EPHA3: variants seen among roughly 807,000 people sequenced by gnomAD.
The protein encoded by EPHA3 is ephrin type-A receptor 3.
A neutral mutation model predicts 107.1 loss-of-function variants in EPHA3; 42 were observed. That is an observed-to-expected ratio of 0.39 (90% CI 0.31 to 0.51). The LOEUF (loss-of-function observed/expected upper bound fraction) is 0.51. Among genes scored for constraint, EPHA3 ranks in the 20% least tolerant of loss-of-function variants. EPHA3 has a pLI of 0.78. For synonymous variants in EPHA3, 461 were observed against 424.8 expected, an observed-to-expected ratio of 1.09 and a Z score of -1.05; for missense variants, 1,183 against 1,211.2, an observed-to-expected ratio of 0.98 and a Z score of 0.35.
At chr3:89,328,339 C>T (rs1395155617) in intron 3 of EPHA3, among the ~76,000 whole-genome samples, 2 of 152,120 alleles carry the variant, frequency 1.3e-5, no homozygotes, top group Non-Finnish European at 2.9e-5. Flanking sequence ...ACCTTTTCAG[C>T]AGGTTTGCAT....
At chr3:89,126,481 T>A (rs976525776) in intron 1 of EPHA3, among the ~76,000 whole-genome samples, 1 of 151,712 alleles carries the variant, frequency 6.6e-6, no homozygotes, top group Non-Finnish European at 1.5e-5. Flanking sequence ...GCATGCTATA[T>A]TTTACTTTTT....
chr3:89,115,943 A>G, intron 1 of EPHA3, among the ~76,000 whole-genome samples: 1 of 152,208 alleles, frequency 6.6e-6, no homozygotes, highest in East Asian at 1.9e-4. Context: ...TTGTCTTCTG[A>G]CTTTGCAAGG....
At chr3:89,459,445 CTT>C (rs1710171677) in intron 15 of EPHA3, among the ~76,000 whole-genome samples, 2 of 151,412 alleles carry the variant, frequency 1.3e-5, no homozygotes, top group South Asian at 4.2e-4. Context: ...CTTTCTTTCT[CTT>C]TCTTTCTTCC....
rs1709199100 is a variant in EPHA3 at position 89,413,823 on chromosome 3, T to A, written c.1888+557T>A. 2.0e-5 allele frequency among the ~76,000 whole-genome samples: 3 copies of A among 151,740 alleles called. No individual in the cohort carries two copies. In the South Asian group the frequency reaches 6.2e-4, roughly 31 times the overall value. On this transcript the variant is annotated intron_variant, in intron 10 of 16. Transcript: ENST00000336596. ...ATAAATATACCTTTGTTCTAATTAT[T>A]AATTTAAACAATGATAAATTTGTTA...
At chr3:89,293,029 T>G (rs1559635378) in intron 3 of EPHA3, among the ~76,000 whole-genome samples, 1 of 152,172 alleles carries the variant, frequency 6.6e-6, no homozygotes, top group Non-Finnish European at 1.5e-5. Flanking sequence ...TTTTTAATTT[T>G]TTGCCATTCT....
At chr3:89,402,863 A>G (rs949412344) in intron 7 of EPHA3, among the ~76,000 whole-genome samples, 1 of 152,064 alleles carries the variant, frequency 6.6e-6, no homozygotes, top group Non-Finnish European at 1.5e-5. Context: ...TTTTTAGTAG[A>G]GACGGGGTTT....
At chr3:89,112,405 T>C (rs1174556007) in intron 1 of EPHA3, among the ~76,000 whole-genome samples, 2 of 152,080 alleles carry the variant, frequency 1.3e-5, no homozygotes, top group Non-Finnish European at 2.9e-5. Flanking sequence ...TAACATTCTT[T>C]ATGTATTGCC....
At chr3:89,232,248 A>G (rs191479929) in intron 3 of EPHA3, among the ~76,000 whole-genome samples, 150 of 152,304 alleles carry the variant, frequency 9.8e-4, no homozygotes, top group Non-Finnish European at 1.8e-3. Flanking sequence ...ATATATTTAA[A>G]GAATGAAGAG....
At chr3:89,315,635 A>T (rs1167551277) in intron 3 of EPHA3, among the ~76,000 whole-genome samples, 1 of 151,492 alleles carries the variant, frequency 6.6e-6, no homozygotes, top group East Asian at 2.0e-4. Flanking sequence ...AAAAAAAAGC[A>T]ATCTTGTCCA....
intron 5 of EPHA3, among the ~76,000 whole-genome samples, chr3:89,363,288 CA>C (rs1481866468): frequency 1.3e-5 from 2 of 149,956 alleles, no homozygotes; most frequent in East Asian, 3.9e-4. Flanking sequence ...GGGCAGGAGA[CA>C]GAGAGAGAGT....
chr3:89,393,280 G>C (rs1022107588), intron 5 of EPHA3, among the ~76,000 whole-genome samples: 1 of 152,118 alleles, frequency 6.6e-6, no homozygotes, highest in African/African-American at 2.4e-5. Context: ...GTCCAACAGG[G>C]TCCTGCAGCT....
intron 2 of EPHA3, among the ~76,000 whole-genome samples, chr3:89,175,093 G>C (rs557833268): frequency 7.0e-6 from 1 of 143,770 alleles, no homozygotes; most frequent in Non-Finnish European, 1.5e-5. Flanking sequence ...TTTGTAATCT[G>C]GCCTTGAAAC....
chr3:89,202,534 AAT>A (rs71105121), intron 2 of EPHA3, among the ~76,000 whole-genome samples: 146 of 37,666 alleles, frequency 3.9e-3, no homozygotes, highest in Middle Eastern at 0.015. Context: ...AAAAAAAAAA[AAT>A]ATATATATAT....
intron 3 of EPHA3, among the ~76,000 whole-genome samples, chr3:89,250,288 C>T (rs1705130486): frequency 6.6e-6 from 1 of 152,190 alleles, no homozygotes; most frequent in Non-Finnish European, 1.5e-5. Flanking sequence ...GAAACTTTAT[C>T]AACAAATATG....
At chr3:89,187,179 C>T (rs1041534402) in intron 2 of EPHA3, among the ~76,000 whole-genome samples, 1 of 148,928 alleles carries the variant, frequency 6.7e-6, no homozygotes, top group African/African-American at 2.5e-5. Flanking sequence ...TGTATAAAAG[C>T]CCTTTCTTAT....
intron 13 of EPHA3, among the ~76,000 whole-genome samples, chr3:89,442,214 G>C (rs1709799442): frequency 6.6e-6 from 1 of 152,096 alleles, no homozygotes; most frequent in African/African-American, 2.4e-5. Flanking sequence ...AAAAATTCCA[G>C]AAGGGATATT....
chr3:89,121,981 G>A lies in EPHA3; in HGVS notation c.89-5228G>A, dbSNP rs576841392. ...GCTGAATTCCTATCAGAAAATATAGGTCGATTTCTTAATTCTGTATTATGT... is the reference window on the plus strand; with the variant it reads ...GCTGAATTCCTATCAGAAAATATAGATCGATTTCTTAATTCTGTATTATGT... On this transcript the variant is annotated intron_variant, in intron 1 of 16. Transcript: ENST00000336596. 2.0e-4 allele frequency among the ~76,000 whole-genome samples: 30 copies of A among 152,180 alleles called. No homozygotes were observed. In the East Asian group the frequency reaches 5.8e-3, roughly 29 times the overall value.
At chr3:89,169,406 T>A (rs1705159284) in intron 2 of EPHA3, among the ~76,000 whole-genome samples, 1 of 152,200 alleles carries the variant, frequency 6.6e-6, no homozygotes, top group Non-Finnish European at 1.5e-5. Flanking sequence ...CAGCATCTAA[T>A]CAATGTTCTC....
At chr3:89,199,921 T>A (rs189190658) in intron 2 of EPHA3, among the ~76,000 whole-genome samples, 1 of 152,190 alleles carries the variant, frequency 6.6e-6, no homozygotes, top group Non-Finnish European at 1.5e-5. Context: ...TTTTAGTAAA[T>A]TAAAATAGGG....
Sources: gnomAD v4.1 joint callset for allele counts (sites outside exome capture counted in the v4.1 genomes callset) on GRCh38, gnomAD v4.1.1 for gene constraint, MANE v1.5 for transcripts, NCBI Gene and HGNC (gene_info 2026-07-23, HGNC 2026-07-21) for gene names.